The following GNG12 variants were observed in gnomAD, a reference collection of about 807,000 sequenced individuals.
GNG12 encodes the protein G protein subunit gamma 12, also known as guanine nucleotide-binding protein G(I)/G(S)/G(O) subunit gamma-12.
For synonymous variants in GNG12, 28 were observed against 29.7 expected (o/e 0.94, Z 0.19); for missense variants, 69 against 83.8 (o/e 0.82, Z 0.69).
intron 1 of GNG12, among the ~76,000 whole-genome samples, chr1:67,826,185 C>T (rs1258935937): frequency 6.6e-6 from 1 of 152,148 alleles, no homozygotes; most frequent in African/African-American, 2.4e-5. Context: ...GCTACAGGGG[C>T]TTTGAGAAGC....
chr1:67,737,215 T>C (rs1459309880), intron 2 of GNG12, among the ~76,000 whole-genome samples: 4 of 152,248 alleles, frequency 2.6e-5, no homozygotes, highest in Non-Finnish European at 5.9e-5. Flanking sequence ...ACTTAGTCTT[T>C]TGCATTGCCA....
At chr1:67,770,717 A>C (rs967011356) in intron 2 of GNG12, among the ~76,000 whole-genome samples, 2 of 152,106 alleles carry the variant, frequency 1.3e-5, no homozygotes, top group South Asian at 2.1e-4. Context: ...GAGAGAAAAA[A>C]GTCCCCTTTC....
At chr1:67,706,426 A>G (rs1031991743) in intron 3 of GNG12, among the ~76,000 whole-genome samples, 2 of 152,206 alleles carry the variant, frequency 1.3e-5, no homozygotes, top group African/African-American at 4.8e-5. Flanking sequence ...GGGAAGAGGC[A>G]GTACCTTACT....
intron 1 of GNG12, among the ~76,000 whole-genome samples, chr1:67,780,207 G>A (rs1241800913): frequency 6.6e-6 from 1 of 152,164 alleles, no homozygotes; most frequent in Non-Finnish European, 1.5e-5. Flanking sequence ...ATCCTATGAG[G>A]AAGGTTCTTT....
chr1:67,818,141 C>T (rs1323974415), intron 1 of GNG12, among the ~76,000 whole-genome samples: 1 of 142,856 alleles, frequency 7.0e-6, no homozygotes, highest in African/African-American at 2.5e-5. Context: ...TAGGCTTCGA[C>T]AGACTGGTAG....
intron 3 of GNG12, among the ~76,000 whole-genome samples, chr1:67,705,816 G>GATA (rs1646244075): frequency 1.3e-5 from 2 of 152,150 alleles, no homozygotes; most frequent in Admixed American, 1.3e-4. Flanking sequence ...AGACAAACTG[G>GATA]CACCATGTAT....
chr1:67,724,406 T>C (rs990182484), intron 2 of GNG12, among the ~76,000 whole-genome samples: 3 of 152,214 alleles, frequency 2.0e-5, no homozygotes, highest in Non-Finnish European at 4.4e-5. Flanking sequence ...CATTCGTTCA[T>C]TCGAGACGAA....
chr1:67,735,106 T>C (rs1198914918), intron 2 of GNG12, among the ~76,000 whole-genome samples: 1 of 152,296 alleles, frequency 6.6e-6, no homozygotes, highest in African/African-American at 2.4e-5. Flanking sequence ...TCCACCCTCC[T>C]TGGCCTTCCA....
intron 1 of GNG12, among the ~76,000 whole-genome samples, chr1:67,787,659 A>C (rs1038537141): frequency 2.6e-5 from 4 of 152,206 alleles, no homozygotes; most frequent in African/African-American, 4.8e-5. Flanking sequence ...CAACCTCATC[A>C]GAGTCAATGC....
chr1:67,713,120 T>C (rs1163556211), intron 2 of GNG12, among the ~76,000 whole-genome samples: 1 of 152,120 alleles, frequency 6.6e-6, no homozygotes, highest in Admixed American at 6.5e-5. Context: ...ACACCTCCCT[T>C]CTCATGCATG....
At chr1:67,747,960 GAGA>G (rs1646516564) in intron 2 of GNG12, among the ~76,000 whole-genome samples, 1 of 152,220 alleles carries the variant, frequency 6.6e-6, no homozygotes, top group South Asian at 2.1e-4. Flanking sequence ...TGGCTATGAG[GAGA>G]AGGATGGTGG....
chr1:67,778,162 G>C (rs1646717361), intron 1 of GNG12, among the ~76,000 whole-genome samples: 1 of 150,450 alleles, frequency 6.6e-6, no homozygotes, highest in Admixed American at 6.6e-5. Flanking sequence ...AAATGTTCTA[G>C]TAGCCACATT....
chr1:67,823,886 A>C (rs948270495), intron 1 of GNG12, among the ~76,000 whole-genome samples: 2 of 152,232 alleles, frequency 1.3e-5, no homozygotes, highest in Non-Finnish European at 2.9e-5. Flanking sequence ...ACTGGGAAAC[A>C]GCCCAAAGGT....
rs1299629443 is a variant in GNG12, at chr1:67,709,875, T to C, written c.-26-2163A>G. Among the ~76,000 whole-genome samples the C allele has an allele frequency of 1.2e-4, 15 of 121,770 alleles. 1 individual carries two copies. In the East Asian group the frequency reaches 2.8e-3, roughly 23 times the overall value. 79.9% of individuals were successfully genotyped at this position (121,770 alleles called of 152,430 possible). A position where few individuals can be genotyped will look rare whatever the true frequency, so the allele number is the denominator to read the frequency against. ...ATTTATATATATATAGTTATATATA[T>C]ATTTATATATATAGTTATATATATA... On this transcript the variant is annotated intron_variant, in intron 2 of 3. Transcript: ENST00000370982.
chr1:67,828,775 C>T (rs1647025970), intron 1 of GNG12, among the ~76,000 whole-genome samples: 1 of 152,126 alleles, frequency 6.6e-6, no homozygotes, highest in Non-Finnish European at 1.5e-5. Context: ...TATGCAGATC[C>T]TAAAAACCCA....
rs1238810040 is a variant in GNG12, at chr1:67,809,623, C to T, written c.-77+23721G>A. 3.9e-5 allele frequency among the ~76,000 whole-genome samples: 6 copies of T among 151,952 alleles called. No individual in the cohort carries two copies. In the East Asian group the frequency reaches 1.2e-3, roughly 29 times the overall value. ...TGATTGAAAAATGATCAAAAGTGAC[C>T]TGAACATATACCTCACCAAAGAAAA... On this transcript the variant is annotated intron_variant, in intron 1 of 3. Coordinates refer to ENST00000370982, the MANE Select transcript of GNG12 (RefSeq NM_018841.6).
intron 2 of GNG12, among the ~76,000 whole-genome samples, chr1:67,750,199 A>T (rs1193909477): frequency 6.6e-6 from 1 of 152,220 alleles, no homozygotes; most frequent in Non-Finnish European, 1.5e-5. Context: ...ATCATATGAC[A>T]TTCACCGCAG....
At chr1:67,756,759 T>C (rs1646571564) in intron 2 of GNG12, among the ~76,000 whole-genome samples, 1 of 152,234 alleles carries the variant, frequency 6.6e-6, no homozygotes, top group African/African-American at 2.4e-5. Flanking sequence ...GTCATACCTC[T>C]TTGACCCCCA....
rs1570484262 is a variant in GNG12 at position 67,720,508 on chromosome 1, T to C, written c.-26-12796A>G. On this transcript the variant is annotated intron_variant, in intron 2 of 3. Transcript: ENST00000370982. Reference sequence around the variant, plus strand: ...TGGCTTAGGAGAGCCAGATATCTCATGTGCTTATCCATAAATGAATAGATG... The same window carrying C: ...TGGCTTAGGAGAGCCAGATATCTCACGTGCTTATCCATAAATGAATAGATG... Among the ~76,000 whole-genome samples, 5 of 152,232 alleles carry C rather than the reference T, an allele frequency of 3.3e-5. No individual in the cohort carries two copies. In the South Asian group the frequency reaches 1.0e-3, roughly 32 times the overall value.
Sources: allele counts gnomAD v4.1 joint callset (sites outside exome capture counted in the v4.1 genomes callset), GRCh38; gene constraint gnomAD v4.1.1; transcripts MANE v1.5; gene names NCBI Gene and HGNC (gene_info 2026-07-23, HGNC 2026-07-21).